The following PDE1A variants were observed in gnomAD, a reference collection of about 807,000 sequenced individuals.
PDE1A encodes phosphodiesterase 1A, also known as dual specificity calcium/calmodulin-dependent 3',5'-cyclic nucleotide phosphodiesterase 1A.
A neutral mutation model predicts 61.7 loss-of-function variants in PDE1A; 35 were observed. The ratio of observed to expected loss-of-function variants is 0.57; its 90% CI spans 0.43 to 0.75. The LOEUF (loss-of-function observed/expected upper bound fraction) is 0.75, where lower values mean the gene tolerates loss of function less well. Ranked by LOEUF, PDE1A falls within the 30% of genes least tolerant of loss-of-function variation. PDE1A has a pLI of 0.00. For synonymous variants in PDE1A, 232 were observed against 213.2 expected (o/e 1.09, Z -0.77); for missense variants, 597 against 630.6 (o/e 0.95, Z 0.57).
At chr2:182,468,790 A>ATCCATTCT (rs1686836206) in intron 2 of PDE1A, among the ~76,000 whole-genome samples, 1 of 152,054 alleles carries the variant, frequency 6.6e-6, no homozygotes, top group African/African-American at 2.4e-5. Flanking sequence ...TCCTTGGTCC[A>ATCCATTCT]TGGCTTCAGA....
the PDE1A span, among the ~76,000 whole-genome samples, chr2:182,686,759 T>A: frequency 2.0e-5 from 3 of 152,334 alleles, no homozygotes; most frequent in South Asian, 6.2e-4. Context: ...ACGCAAGGGC[T>A]CAGGGAATTC....
chr2:182,493,187 C>T (rs1052699813), intron 2 of PDE1A, among the ~76,000 whole-genome samples: 15 of 151,540 alleles, frequency 9.9e-5, no homozygotes, highest in African/African-American at 3.6e-4. Flanking sequence ...TAAATCACCC[C>T]TTAACTGCAT....
chr2:182,426,970 G>A, exon 1 of PDE1A: 1 of 1,031,382 alleles, frequency 9.7e-7, no homozygotes, highest in Non-Finnish European at 1.2e-6. Context: ...TGTCATCCAG[G>A]TAGGAACTCC....
At chr2:182,571,535 T>C in the PDE1A span, among the ~76,000 whole-genome samples, 6 of 152,092 alleles carry the variant, frequency 3.9e-5, no homozygotes, top group Non-Finnish European at 5.9e-5. Context: ...CTCTACATCA[T>C]TGTTAAAATT....
chr2:182,212,436 G>A (rs1004037885), intron 7 of PDE1A, among the ~76,000 whole-genome samples: 3 of 152,178 alleles, frequency 2.0e-5, no homozygotes, highest in African/African-American at 7.2e-5. Context: ...AATAGGAACA[G>A]CTCCGGTCTA....
chr2:182,197,010 A>G (rs573525803), intron 10 of PDE1A, among the ~76,000 whole-genome samples: 11 of 151,944 alleles, frequency 7.2e-5, no homozygotes, highest in African/African-American at 2.6e-4. Flanking sequence ...AGTTTTCCAG[A>G]GTGATTGTAA....
At chr2:182,526,959 G>A (rs1172340718), upstream of PDE1A, among the ~76,000 whole-genome samples, 2 of 150,678 alleles carry the variant, frequency 1.3e-5, no homozygotes, top group African/African-American at 4.9e-5. Flanking sequence ...CTTTTTTCAG[G>A]TATTGTAATT....
chr2:182,649,607 CAA>C, the PDE1A span, among the ~76,000 whole-genome samples: 58 of 113,076 alleles, frequency 5.1e-4, no homozygotes, highest in Middle Eastern at 4.1e-3. Context: ...CCACTCTATA[CAA>C]AAAAAAAAAA....
At chr2:182,589,273 A>AGGG in the PDE1A span, among the ~76,000 whole-genome samples, 3 of 19,066 alleles carry the variant, frequency 1.6e-4, no homozygotes, top group Admixed American at 9.6e-4. Flanking sequence ...GGGAGGGAGG[A>AGGG]AGGAAGGAAG....
rs140958896 is a variant in PDE1A at position 182,507,732 on chromosome 2, A to G, written c.101+14544T>C. On this transcript the variant is annotated intron_variant, in intron 2 of 14. Transcript: ENST00000410103. ...ATAAATCATATCTTTGGAAAACTCAAGATATTGAAGCAGAGATTTGCTAGG... is the reference window on the plus strand; with the variant it reads ...ATAAATCATATCTTTGGAAAACTCAGGATATTGAAGCAGAGATTTGCTAGG... Among the ~76,000 whole-genome samples the G allele has an allele frequency of 6.0e-3, 911 of 152,342 alleles. 7 individuals are homozygous for G. The highest frequency in any genetic ancestry group is 0.021 in the African/African-American group (867 of 41,580).
chr2:182,424,927 C>T (rs981493193), intron 1 of PDE1A, among the ~76,000 whole-genome samples: 1 of 152,180 alleles, frequency 6.6e-6, no homozygotes, highest in Non-Finnish European at 1.5e-5. Context: ...TGAAGCAAAT[C>T]ACTTGAATTT....
intron 2 of PDE1A, among the ~76,000 whole-genome samples, chr2:182,240,541 A>G (rs1253683946): frequency 6.6e-6 from 1 of 152,190 alleles, no homozygotes; most frequent in Non-Finnish European, 1.5e-5. Context: ...TTTCAGCACA[A>G]TGATACACCA....
intron 1 of PDE1A, among the ~76,000 whole-genome samples, chr2:182,423,026 C>A (rs1187134510): frequency 6.6e-6 from 1 of 152,150 alleles, no homozygotes; most frequent in East Asian, 1.9e-4. Context: ...AGAGCCTGTG[C>A]AGGCAGAATC....
the PDE1A span, among the ~76,000 whole-genome samples, chr2:182,668,064 G>A: frequency 6.6e-6 from 1 of 152,196 alleles, no homozygotes; most frequent in African/African-American, 2.4e-5. Context: ...CTAAATGGGT[G>A]GAGAAGGAAT....
At chr2:182,172,471 A>C (rs796534829) in intron 13 of PDE1A, among the ~76,000 whole-genome samples, 8 of 152,188 alleles carry the variant, frequency 5.3e-5, no homozygotes, top group African/African-American at 1.7e-4. Context: ...CTCATAATAC[A>C]CAGTGGTTCT....
At chr2:182,236,738 C>T (rs1690051626) in intron 3 of PDE1A, among the ~76,000 whole-genome samples, 1 of 152,124 alleles carries the variant, frequency 6.6e-6, no homozygotes, top group South Asian at 2.1e-4. Context: ...GGTTCAAAAT[C>T]TTATGTCTTT....
intron 2 of PDE1A, among the ~76,000 whole-genome samples, chr2:182,454,840 T>C (rs1013604101): frequency 2.3e-4 from 35 of 151,066 alleles, no homozygotes; most frequent in African/African-American, 7.7e-4. Flanking sequence ...GGCAATACGA[T>C]TGAGGACATA....
intron 1 of PDE1A, among the ~76,000 whole-genome samples, chr2:182,343,837 C>T (rs768763282): frequency 6.6e-6 from 1 of 151,314 alleles, no homozygotes; most frequent in African/African-American, 2.4e-5. Context: ...ATTACTATGT[C>T]CAAATACATA....
At chr2:182,443,429 A>C (rs1300330728) in intron 2 of PDE1A, among the ~76,000 whole-genome samples, 2 of 151,858 alleles carry the variant, frequency 1.3e-5, no homozygotes, top group African/African-American at 4.8e-5. Flanking sequence ...TCATTGTTGG[A>C]GGAGGTACCT....
Sources: allele counts gnomAD v4.1 joint callset (sites outside exome capture counted in the v4.1 genomes callset), GRCh38; gene constraint gnomAD v4.1.1; transcripts MANE v1.5; gene names NCBI Gene and HGNC (gene_info 2026-07-23, HGNC 2026-07-21).